The following GDA variants were observed in gnomAD, a reference collection of about 807,000 sequenced individuals.
GDA encodes the protein cytoplasmic PSD-95 interactor.
In GDA, 18 loss-of-function variants were observed where a neutral mutation model predicts 59.6. That is an observed-to-expected ratio of 0.30 (90% confidence interval 0.21 to 0.45). The LOEUF is 0.45. GDA is among the 20% of genes least tolerant of loss of function. The pLI is 1.00. For synonymous variants in GDA, 201 were observed against 201.1 expected (o/e 1.00, Z 0.00); for missense variants, 427 against 552.3 (o/e 0.77, Z 2.27).
At chr9:72,171,329 T>G (rs1479543554) in intron 1 of GDA, among the ~76,000 whole-genome samples, 1 of 152,262 alleles carries the variant, frequency 6.6e-6, no homozygotes, top group Non-Finnish European at 1.5e-5. Context: ...TATTCCATTT[T>G]ATGATTCCAT....
intron 2 of GDA, among the ~76,000 whole-genome samples, chr9:72,200,933 A>T (rs72727227): frequency 0.075 from 11,487 of 152,280 alleles, 602 homozygotes; most frequent in Middle Eastern, 0.12. Context: ...GCCAAAGCTG[A>T]CTAGTTAACA....
chr9:72,226,240 T>G (rs1197301949), intron 8 of GDA, among the ~76,000 whole-genome samples: 1 of 152,174 alleles, frequency 6.6e-6, no homozygotes, highest in African/African-American at 2.4e-5. Flanking sequence ...GTTTAAAAAT[T>G]GTTATCGGTG....
chr9:72,182,479 G>A (rs1221866150), intron 1 of GDA, among the ~76,000 whole-genome samples: 2 of 152,198 alleles, frequency 1.3e-5, no homozygotes, highest in East Asian at 1.9e-4. Flanking sequence ...CAGGGACATC[G>A]GAGAAATGAT....
chr9:72,134,583 A>G (rs1433363315), intron 1 of GDA, among the ~76,000 whole-genome samples: 1 of 151,660 alleles, frequency 6.6e-6, no homozygotes, highest in Non-Finnish European at 1.5e-5. Flanking sequence ...TTTTATTTTT[A>G]GTAGAGATTG....
chr9:72,255,264 A>T (rs116118651), downstream of GDA, among the ~76,000 whole-genome samples: 1,798 of 152,256 alleles, frequency 0.012, 42 homozygotes, highest in African/African-American at 0.041. Flanking sequence ...TTTGTTTAGA[A>T]TTTTCTAGCA....
chr9:72,145,507 G>T (rs1056065418), upstream of GDA, among the ~76,000 whole-genome samples: 1 of 152,206 alleles, frequency 6.6e-6, no homozygotes, highest in Non-Finnish European at 1.5e-5. Flanking sequence ...AGAGGAGAAA[G>T]CCTTTTCAAA....
intron 1 of GDA, among the ~76,000 whole-genome samples, chr9:72,193,068 A>C (rs1179956968): frequency 2.0e-5 from 3 of 152,184 alleles, no homozygotes; most frequent in African/African-American, 7.2e-5. Flanking sequence ...CCTCAAAACA[A>C]GTATTTTAAA....
chr9:72,131,047 A>G (rs1826008032), intron 1 of GDA, among the ~76,000 whole-genome samples: 1 of 152,242 alleles, frequency 6.6e-6, no homozygotes, highest in Non-Finnish European at 1.5e-5. Flanking sequence ...GGACAGTGCA[A>G]TTGGTTGGCT....
chr9:72,244,498 C>CT (rs1162490834), intron 11 of GDA, among the ~76,000 whole-genome samples: 2 of 152,158 alleles, frequency 1.3e-5, no homozygotes, highest in Non-Finnish European at 2.9e-5. Flanking sequence ...ACCAGAAAAC[C>CT]TTTGAGGTTG....
At chr9:72,175,286 C>A (rs1440589143) in intron 1 of GDA, among the ~76,000 whole-genome samples, 3 of 152,148 alleles carry the variant, frequency 2.0e-5, no homozygotes, top group Admixed American at 6.5e-5. Context: ...CCTGCATCAG[C>A]CTTCCAAAGT....
upstream of GDA, chr9:72,149,368 A>T (rs1399373380): frequency 1.8e-6 from 1 of 570,590 alleles, no homozygotes; most frequent in Non-Finnish European, 3.0e-6. Flanking sequence ...TCCTATTGGC[A>T]TTGAGGAGGT....
intron 1 of GDA, among the ~76,000 whole-genome samples, chr9:72,164,738 C>T (rs544355131): frequency 1.3e-4 from 19 of 151,278 alleles, no homozygotes; most frequent in Non-Finnish European, 2.2e-4. Flanking sequence ...AATCCCAGCA[C>T]TTTGGGAGGC....
rs760923471 is a variant in GDA at position 72,195,491 on chromosome 9, C to G, written c.124-9C>G. ...TGTGTTTCTTTTCTTTTCTTTCTTT[C>G]TTTTAAAGATAGTGTTTTTAGAAGA... On this transcript the variant is annotated splice_polypyrimidine_tract_variant and intron_variant, in intron 1 of 13. Coordinates refer to ENST00000358399, the MANE Select transcript of GDA (RefSeq NM_004293.5). 1 of 1,281,430 alleles carries G rather than the reference C, an allele frequency of 7.8e-7. No individual in the cohort carries two copies. Among genetic ancestry groups the G allele is most frequent in the Non-Finnish European group, 1.1e-6 (1 of 895,662 alleles). The allele number at this position is 1,281,430 out of a possible 1,614,324, so 79.4% of individuals were successfully genotyped here.
intron 1 of GDA, among the ~76,000 whole-genome samples, chr9:72,194,502 C>T (rs988012194): frequency 7.9e-5 from 12 of 152,048 alleles, no homozygotes; most frequent in African/African-American, 2.4e-4. Context: ...AAAAGTCCTC[C>T]CCACCCTTCC....
rs771090625 is a variant in GDA, at chr9:72,231,162, C to T, written c.969C>T (p.Val323=). ...LNVLEVLKHE[V]KIGLGTDVAG... ...TGCTAGAAGTCCTGAAACATGAAGT[C>T]AAGATAGGGCTGGGTACAGGTTAGT... Residue 323 remains valine (V), a synonymous_variant, in exon 10 of 14, where the codon GTC becomes GTT. Transcript: ENST00000358399. 1 of 1,581,142 alleles carries T rather than the reference C, an allele frequency of 6.3e-7. No homozygotes were observed. Among genetic ancestry groups the T allele is most frequent in the South Asian group, 1.1e-5 (1 of 90,366 alleles).
chr9:72,123,667 A>G (rs1414965126), intron 1 of GDA, among the ~76,000 whole-genome samples: 1 of 151,370 alleles, frequency 6.6e-6, no homozygotes, highest in Non-Finnish European at 1.5e-5. Flanking sequence ...TTGTATTTTT[A>G]GTAGAGACAG....
intron 8 of GDA, among the ~76,000 whole-genome samples, chr9:72,226,819 T>C (rs1019848095): frequency 3.9e-5 from 6 of 152,178 alleles, no homozygotes; most frequent in African/African-American, 7.2e-5. Context: ...ATTTTAATAA[T>C]AATTCTGTAG....
intron 1 of GDA, among the ~76,000 whole-genome samples, chr9:72,141,242 T>G (rs1587327840): frequency 1.3e-5 from 2 of 152,170 alleles, no homozygotes; most frequent in East Asian, 3.9e-4. Flanking sequence ...TTCTTCCTTC[T>G]TATTAGGGCT....
chr9:72,152,399 T>G (rs1004487925), intron 1 of GDA, among the ~76,000 whole-genome samples: 4 of 152,226 alleles, frequency 2.6e-5, no homozygotes, highest in African/African-American at 7.2e-5. Flanking sequence ...GCCAACTTTT[T>G]GGTATAAAGC....
Sources: gnomAD v4.1 joint callset for allele counts (sites outside exome capture counted in the v4.1 genomes callset) on GRCh38, gnomAD v4.1.1 for gene constraint, MANE v1.5 for transcripts, NCBI Gene and HGNC (gene_info 2026-07-23, HGNC 2026-07-21) for gene names.